The following FRK variants were observed in gnomAD, a reference collection of about 807,000 sequenced individuals.
FRK encodes the protein fyn related Src family tyrosine kinase, also known as tyrosine-protein kinase FRK.
A neutral mutation model predicts 56.4 loss-of-function variants in FRK; 51 were observed. The observed-to-expected ratio is 0.90, with a 90% CI of 0.72 to 1.14. The LOEUF (loss-of-function observed/expected upper bound fraction) is 1.14, where lower values mean the gene tolerates loss of function less well. FRK is among the 50% of genes most tolerant of loss of function. The pLI is 0.00. For missense variants in FRK, 570 were observed against 601.4 expected (o/e 0.95, Z 0.55); for synonymous variants, 245 against 217.9 (o/e 1.12, Z -1.10).
At chr6:116,085,446 T>C in the FRK span, among the ~76,000 whole-genome samples, 2 of 152,240 alleles carry the variant, frequency 1.3e-5, no homozygotes, top group Admixed American at 1.3e-4. Context: ...GTATTATGCA[T>C]AAATGACTTA....
chr6:116,099,627 T>C, the FRK span, among the ~76,000 whole-genome samples: 3 of 152,274 alleles, frequency 2.0e-5, no homozygotes, highest in Admixed American at 2.0e-4. Flanking sequence ...TTAAGTGTTA[T>C]AATGGAACAA....
At chr6:116,050,162 T>C (rs957932545) in intron 1 of FRK, among the ~76,000 whole-genome samples, 2 of 152,286 alleles carry the variant, frequency 1.3e-5, no homozygotes, top group Admixed American at 1.3e-4. Context: ...CTGTCTTCTG[T>C]TGAACATAAA....
chr6:115,991,886 A>G (rs1042649913), intron 2 of FRK, among the ~76,000 whole-genome samples: 13 of 151,670 alleles, frequency 8.6e-5, no homozygotes, highest in African/African-American at 3.1e-4. Flanking sequence ...CTTAGCTGTG[A>G]ATCTGTCTGG....
At chr6:116,008,636 T>A (rs952944593) in intron 1 of FRK, among the ~76,000 whole-genome samples, 4 of 152,200 alleles carry the variant, frequency 2.6e-5, no homozygotes, top group African/African-American at 9.6e-5. Flanking sequence ...AATTTGAGGT[T>A]TGAACCATTG....
chr6:116,056,175 A>C (rs1053317213), intron 1 of FRK, among the ~76,000 whole-genome samples: 5 of 152,012 alleles, frequency 3.3e-5, no homozygotes, highest in African/African-American at 1.2e-4. Flanking sequence ...ACACTTTAAC[A>C]ATTAAGCAAA....
At position 115,956,481 on chromosome 6, in the gene FRK, C is replaced by T. The variant is rs1554225404; in HGVS notation, c.929G>A (p.Arg310Lys). 1 of 1,558,716 alleles carries T rather than the reference C, an allele frequency of 6.4e-7. No individual in the cohort carries two copies. The highest frequency in any genetic ancestry group is 1.3e-5 in the South Asian group (1 of 77,976). The change falls in exon 5 of 8, where the codon AGA (arginine) becomes AAA (lysine). Residue 310 changes from arginine (R) to lysine (K), a missense_variant. Physicochemically the swap from Arg to Lys is conservative, Grantham distance 26. Coordinates refer to ENST00000606080, the MANE Select transcript of FRK (RefSeq NM_002031.3). ...GAGATATTCTTGCAGACTTCCATGT[C>T]TCATCAACTCTGTAATAATATAAAT... ...DPIYIITELM[R>K]HGSLQEYLQN...
the FRK span, among the ~76,000 whole-genome samples, chr6:116,074,228 C>T: frequency 1.3e-5 from 2 of 152,204 alleles, no homozygotes; most frequent in African/African-American, 4.8e-5. Context: ...GGTGACTCAT[C>T]TGTCCTCATA....
At chr6:115,991,803 A>ATCCCTCCTCCTCAATTTT (rs1169685305) in intron 2 of FRK, among the ~76,000 whole-genome samples, 1 of 151,414 alleles carries the variant, frequency 6.6e-6, no homozygotes, top group East Asian at 1.9e-4. Context: ...TTAGAGAGGA[A>ATCCCTCCTCCTCAATTTT]TCCCTCCTCC....
intron 1 of FRK, chr6:116,039,043 G>C: frequency 1.3e-6 from 1 of 755,012 alleles, no homozygotes; most frequent in Non-Finnish European, 2.5e-6. Context: ...GGCACTCAGA[G>C]AGTAGGCATG....
rs1771999118 is a variant in FRK at position 115,933,853 on chromosome 6, C to A, written c.*8561G>T. 6.6e-6 allele frequency: 1 copy of A among 152,128 alleles called. No homozygotes were observed. The allele number at this position is 152,128 out of a possible 1,614,324, so 9.4% of individuals were successfully genotyped here. A position where few individuals can be genotyped will look rare whatever the true frequency, so the allele number is the denominator to read the frequency against. ...AACAAGTTGTTCTATACACAGTCAA[C>A]TAATTTGAAAGATTAGTGTTGATCT... On this transcript the variant is annotated 3_prime_UTR_variant, in exon 8 of 8. Coordinates refer to ENST00000606080, the MANE Select transcript of FRK (RefSeq NM_002031.3).
intron 4 of FRK, among the ~76,000 whole-genome samples, chr6:115,965,869 G>A (rs1260362237): frequency 1.4e-5 from 1 of 72,688 alleles, no homozygotes; most frequent in Non-Finnish European, 2.7e-5. Context: ...ATGGACACAG[G>A]AAGGGGAATA....
intron 2 of FRK, among the ~76,000 whole-genome samples, chr6:115,992,644 T>C (rs180708541): frequency 9.7e-4 from 147 of 151,950 alleles, no homozygotes; most frequent in African/African-American, 3.5e-3. Context: ...AACACCATGC[T>C]ATGTCTTGAG....
chr6:116,010,099 G>A (rs748285185), intron 1 of FRK, among the ~76,000 whole-genome samples: 1 of 152,126 alleles, frequency 6.6e-6, no homozygotes, highest in East Asian at 1.9e-4. Context: ...GTGGGCACCT[G>A]TAGTCCCAGC....
chr6:116,081,730 G>A, the FRK span, among the ~76,000 whole-genome samples: 5 of 151,912 alleles, frequency 3.3e-5, no homozygotes, highest in African/African-American at 4.8e-5. Flanking sequence ...CACTTACTGA[G>A]CACTTGTTAT....
At chr6:116,025,599 A>G (rs1369498807) in intron 1 of FRK, among the ~76,000 whole-genome samples, 2 of 152,182 alleles carry the variant, frequency 1.3e-5, no homozygotes, top group African/African-American at 4.8e-5. Context: ...ATAAAGCTTG[A>G]AACCACATTC....
At chr6:116,096,973 T>C in the FRK span, among the ~76,000 whole-genome samples, 2 of 152,190 alleles carry the variant, frequency 1.3e-5, no homozygotes, top group Non-Finnish European at 2.9e-5. Context: ...TTTGTCCCAT[T>C]ACGTCCTCCC....
the FRK span, among the ~76,000 whole-genome samples, chr6:116,083,820 C>T: frequency 7.0e-6 from 1 of 142,874 alleles, no homozygotes; most frequent in East Asian, 2.5e-4. Flanking sequence ...CCACCATGCC[C>T]AGCTAATTTT....
At chr6:116,040,465 C>A (rs908543305) in intron 1 of FRK, among the ~76,000 whole-genome samples, 5 of 152,020 alleles carry the variant, frequency 3.3e-5, no homozygotes, top group Non-Finnish European at 7.4e-5. Context: ...CATTTGCAAA[C>A]AATATATTAT....
At chr6:115,984,992 A>G (rs1357129105) in intron 2 of FRK, among the ~76,000 whole-genome samples, 3 of 152,122 alleles carry the variant, frequency 2.0e-5, no homozygotes, top group East Asian at 1.9e-4. Context: ...GACAATTACA[A>G]TGACATCATC....
Sources: gnomAD v4.1 joint callset for allele counts (sites outside exome capture counted in the v4.1 genomes callset) on GRCh38, gnomAD v4.1.1 for gene constraint, MANE v1.5 for transcripts, NCBI Gene and HGNC (gene_info 2026-07-23, HGNC 2026-07-21) for gene names.